The following COL24A1 variants were observed in gnomAD, a reference collection of about 807,000 sequenced individuals.
COL24A1 encodes collagen alpha-1(XXIV) chain.
COL24A1 carries 224 observed loss-of-function variants against 253.9 expected under a neutral mutation model. That is an observed-to-expected ratio of 0.88 (90% CI 0.79 to 0.99). COL24A1 has a LOEUF of 0.99. COL24A1 is among the 50% of genes least tolerant of loss of function. COL24A1 has a pLI of 0.00. For synonymous variants in COL24A1, 685 were observed against 673.7 expected (o/e 1.02, Z -0.26); for missense variants, 2,131 against 2,068.5 (o/e 1.03, Z -0.59).
intron 21 of COL24A1, 58 bp downstream of exon 21, chr1:85,971,282 A>G: frequency 6.9e-7 from 1 of 1,453,592 alleles, no homozygotes; most frequent in Non-Finnish European, 9.5e-7. Flanking sequence ...ATAAATAAAA[A>G]GGGAAAATTT....
intron 43 of COL24A1, among the ~76,000 whole-genome samples, chr1:85,827,410 G>A (rs566753822): frequency 1.3e-4 from 20 of 151,424 alleles, no homozygotes; most frequent in African/African-American, 3.6e-4. Flanking sequence ...GTCTCTGCCC[G>A]GCTTTGGTAT....
chr1:86,126,229 A>AAG lies in COL24A1; in HGVS notation c.122-17_122-16dup. 1 of 1,556,896 alleles carries AAG rather than the reference A, an allele frequency of 6.4e-7. No homozygotes were observed. The highest frequency in any genetic ancestry group is 8.6e-7 in the Non-Finnish European group (1 of 1,161,356). On this transcript the variant is annotated splice_polypyrimidine_tract_variant and intron_variant, in intron 2 of 59. Coordinates refer to ENST00000370571, the MANE Select transcript of COL24A1 (RefSeq NM_152890.7). Reference sequence around the variant, plus strand: ...AATATCTATGCCTGGAAATTTAAAAAAGAGAGAGAGAAAGAATCTTAATTT... The same window carrying AAG: ...AATATCTATGCCTGGAAATTTAAAAAAGAGAGAGAGAGAAAGAATCTTAATTT...
intron 31 of COL24A1, among the ~76,000 whole-genome samples, chr1:85,895,548 G>A (rs956359988): frequency 6.6e-6 from 1 of 152,196 alleles, no homozygotes; most frequent in South Asian, 2.1e-4. Context: ...TTATGGATAG[G>A]TACAACCCAG....
chr1:85,778,028 T>TCTAC (rs1668748912), intron 52 of COL24A1, among the ~76,000 whole-genome samples: 1 of 140,104 alleles, frequency 7.1e-6, no homozygotes, highest in Non-Finnish European at 1.5e-5. Context: ...TCTATCTCTA[T>TCTAC]CTATCTATCT....
chr1:85,871,221 A>T (rs1303067291), intron 35 of COL24A1, among the ~76,000 whole-genome samples: 1 of 152,132 alleles, frequency 6.6e-6, no homozygotes, highest in Non-Finnish European at 1.5e-5. Context: ...TACCAACCAA[A>T]AAAAGTCCAG....
rs1244430634 is a variant in COL24A1 at position 86,156,322 on chromosome 1, C to T, written c.56+19G>A. On this transcript the variant is annotated intron_variant, in intron 1 of 59. Coordinates refer to ENST00000370571, the MANE Select transcript of COL24A1 (RefSeq NM_152890.7). Reference sequence around the variant, plus strand: ...GGGTTGGTCTAACCCCTACCCTACCCGGCGGGTGGGCTACTTACGTTTTTG... The same window carrying T: ...GGGTTGGTCTAACCCCTACCCTACCTGGCGGGTGGGCTACTTACGTTTTTG... 8 of 1,610,862 alleles carry T rather than the reference C, an allele frequency of 5.0e-6. No individual in the cohort carries two copies. The highest frequency in any genetic ancestry group is 1.3e-5 in the African/African-American group (1 of 74,774).
At chr1:85,804,195 A>C (rs951205246) in intron 47 of COL24A1, among the ~76,000 whole-genome samples, 10 of 152,206 alleles carry the variant, frequency 6.6e-5, no homozygotes, top group Admixed American at 3.9e-4. Context: ...GGCAAAATAC[A>C]AAAATGATGA....
intron 55 of COL24A1, among the ~76,000 whole-genome samples, chr1:85,758,298 A>G (rs900677141): frequency 6.6e-5 from 10 of 152,122 alleles, no homozygotes; most frequent in Non-Finnish European, 1.0e-4. Flanking sequence ...TTCTTAATTC[A>G]CCAATCCAGG....
intron 25 of COL24A1, among the ~76,000 whole-genome samples, chr1:85,910,585 T>C (rs996894995): frequency 2.0e-5 from 3 of 151,892 alleles, no homozygotes; most frequent in South Asian, 2.1e-4. Context: ...AAATAACTAA[T>C]TGGGTGAAAA....
chr1:86,001,269 A>G (rs1432645947), intron 19 of COL24A1, among the ~76,000 whole-genome samples: 7 of 152,218 alleles, frequency 4.6e-5, no homozygotes, highest in Non-Finnish European at 1.0e-4. Context: ...TTAATGATGA[A>G]CAGTTCTCTT....
chr1:86,019,469 G>GACC (rs1373012828), intron 18 of COL24A1, among the ~76,000 whole-genome samples: 5 of 151,780 alleles, frequency 3.3e-5, no homozygotes, highest in Non-Finnish European at 5.9e-5. Flanking sequence ...GAGGTGGAAG[G>GACC]ACCACTTGAC....
chr1:85,912,562 T>C (rs1411733080), intron 24 of COL24A1, among the ~76,000 whole-genome samples: 1 of 152,190 alleles, frequency 6.6e-6, no homozygotes, highest in Non-Finnish European at 1.5e-5. Context: ...TCTAATGCAT[T>C]GAGCATGATT....
At chr1:85,927,244 C>G (rs1687386831) in intron 24 of COL24A1, among the ~76,000 whole-genome samples, 1 of 152,216 alleles carries the variant, frequency 6.6e-6, no homozygotes, top group African/African-American at 2.4e-5. Context: ...CGAGCCGAAG[C>G]AGGGCAAGGC....
At chr1:85,879,867 C>A (rs969920351) in intron 32 of COL24A1, among the ~76,000 whole-genome samples, 6 of 152,072 alleles carry the variant, frequency 3.9e-5, no homozygotes, top group African/African-American at 1.2e-4. Flanking sequence ...CAGTTCAAAC[C>A]CGTGTTGTTC....
chr1:85,926,308 A>C (rs1290712967), intron 24 of COL24A1, among the ~76,000 whole-genome samples: 1 of 152,250 alleles, frequency 6.6e-6, no homozygotes, highest in Non-Finnish European at 1.5e-5. Flanking sequence ...CATTTGACCC[A>C]GCAATCCCAT....
chr1:85,854,087 A>G (rs1678132584), intron 37 of COL24A1, among the ~76,000 whole-genome samples: 1 of 152,152 alleles, frequency 6.6e-6, no homozygotes, highest in South Asian at 2.1e-4. Context: ...TAAGGTTTTT[A>G]TAGTTTTAGG....
At chr1:85,934,529 C>G (rs1174412929) in intron 24 of COL24A1, among the ~76,000 whole-genome samples, 5 of 152,040 alleles carry the variant, frequency 3.3e-5, no homozygotes, top group African/African-American at 1.2e-4. Context: ...ACATTTCATT[C>G]TTATTAGTTA....
At chr1:85,897,352 A>G (rs912285747) in intron 28 of COL24A1, among the ~76,000 whole-genome samples, 1 of 152,092 alleles carries the variant, frequency 6.6e-6, no homozygotes, top group Non-Finnish European at 1.5e-5. Flanking sequence ...ACCATGTCAC[A>G]TGTTTACCTA....
At chr1:85,855,075 C>T (rs1409508588) in intron 37 of COL24A1, among the ~76,000 whole-genome samples, 1 of 151,902 alleles carries the variant, frequency 6.6e-6, no homozygotes, top group Non-Finnish European at 1.5e-5. Context: ...AATTTTTGTA[C>T]GTTGATTTTG....
Sources: allele counts gnomAD v4.1 joint callset (sites outside exome capture counted in the v4.1 genomes callset), GRCh38; gene constraint gnomAD v4.1.1; transcripts MANE v1.5; gene names NCBI Gene and HGNC (gene_info 2026-07-23, HGNC 2026-07-21).